Variants in SMC6 observed in about 807,000 individuals in gnomAD.
SMC6 encodes the protein structural maintenance of chromosomes 6, also known as structural maintenance of chromosomes protein 6.
SMC6 carries 79 observed loss-of-function variants against 142.2 expected under a neutral mutation model. The observed-to-expected ratio is 0.56, with a 90% confidence interval of 0.46 to 0.67. SMC6 has a LOEUF of 0.67. Among genes scored for constraint, SMC6 ranks in the 30% least tolerant of loss-of-function variants. SMC6 has a pLI of 0.00. For missense variants in SMC6, 1,072 were observed against 1,284.0 expected (o/e 0.83, Z 2.52); for synonymous variants, 411 against 412.4 (o/e 1.00, Z 0.04).
rs189547880 is a variant in SMC6 at position 17,681,328 on chromosome 2, T to G, written c.2804+2310A>C. On this transcript the variant is annotated intron_variant, in intron 24 of 27. Transcript: ENST00000448223. ...TCATATCAACAATAAGGCTGTTTAA[T>G]TTTCTTATCATTAGTGTATTCACTG... The G allele has an allele frequency of 7.9e-5, 12 of 152,362 alleles. No individual in the cohort carries two copies. In the East Asian group the frequency reaches 1.9e-3, roughly 24 times the overall value. The allele number at this position is 152,362 out of a possible 1,614,324, so 9.4% of individuals were successfully genotyped here.
At chr2:17,695,331 T>C in intron 22 of SMC6, 34 bp from the exon 23 acceptor site, 2 of 1,582,170 alleles carry the variant, frequency 1.3e-6, no homozygotes, top group Non-Finnish European at 1.7e-6. Context: ...TTTAAAACTC[T>C]TCTTTGATAT....
intron 23 of SMC6, among the ~76,000 whole-genome samples, chr2:17,688,448 C>A (rs1667558216): frequency 6.6e-6 from 1 of 151,934 alleles, no homozygotes; most frequent in Non-Finnish European, 1.5e-5. Flanking sequence ...GCCTGTAATC[C>A]CAGCACTTTG....
In SMC6 at chr2:17,721,269, AAAG is replaced by A; in HGVS notation, c.727-11_727-9del. On this transcript the variant is annotated splice_polypyrimidine_tract_variant and intron_variant, in intron 9 of 27. Transcript: ENST00000448223. Reference sequence around the variant, plus strand: ...CTTTAGTTCAGTAAGCCGCTTAAAAAAAGAAAACAGAACGGACGTATTTTTTAT... The same window carrying A: ...CTTTAGTTCAGTAAGCCGCTTAAAAAAAAACAGAACGGACGTATTTTTTAT... 1 of 1,565,334 alleles carries A rather than the reference AAAG, an allele frequency of 6.4e-7. No homozygotes were observed. Among genetic ancestry groups the A allele is most frequent in the Non-Finnish European group, 8.6e-7 (1 of 1,164,760 alleles).
intron 4 of SMC6, among the ~76,000 whole-genome samples, chr2:17,740,317 GGACTGCAGAGCTACACAT>G (rs1670378077): frequency 6.6e-6 from 1 of 151,876 alleles, no homozygotes; most frequent in South Asian, 2.1e-4. Context: ...ACAACAAAAG[GGACTGCAGAGCTACACAT>G]AACCTAGCTT....
chr2:17,731,626 G>A, intron 6 of SMC6, 115 bp downstream of exon 6: 9 of 947,504 alleles, frequency 9.5e-6, no homozygotes, highest in Non-Finnish European at 9.6e-6. Flanking sequence ...ATATATATAT[G>A]CACACAACCA....
chr2:17,699,747 G>A (rs1249383169), intron 21 of SMC6, among the ~76,000 whole-genome samples: 1 of 152,104 alleles, frequency 6.6e-6, no homozygotes, highest in Non-Finnish European at 1.5e-5. Flanking sequence ...AAAAGTATGT[G>A]CTAAAAATAA....
At chr2:17,676,937 C>T (rs1667017108) in intron 25 of SMC6, among the ~76,000 whole-genome samples, 1 of 152,112 alleles carries the variant, frequency 6.6e-6, no homozygotes, top group African/African-American at 2.4e-5. Context: ...GTTCTAGTAG[C>T]TCTTTTTGTA....
Position 17,715,015 on chromosome 2 carries a change from A to C in SMC6, c.1576T>G (p.Cys526Gly). 6.2e-7 allele frequency: 1 copy of C among 1,614,022 alleles called. No homozygotes were observed. The highest frequency in any genetic ancestry group is 8.5e-7 in the Non-Finnish European group (1 of 1,179,930). Residue 526 changes from cysteine (C) to glycine (G), a missense_variant, in exon 16 of 28, where the codon TGC becomes GGC. Physicochemically the swap from Cys to Gly is radical, Grantham distance 159. Transcript: ENST00000448223. ...TAGGCCTGCAGAAGCCCTTTTAAGC[A>C]AGATTCAATAGCCAAAGCAAGTTCT... ...DPELALAIES[C>G]LKGLLQAYCC... is the part of the protein sequence containing the mutation.
At chr2:17,699,541 C>G (rs1282830985) in intron 21 of SMC6, among the ~76,000 whole-genome samples, 2 of 151,996 alleles carry the variant, frequency 1.3e-5, no homozygotes, top group Non-Finnish European at 2.9e-5. Context: ...TTCAGTCATG[C>G]CCTCTTTTCC....
chr2:17,747,922 A>G (rs773839856), intron 2 of SMC6, among the ~76,000 whole-genome samples: 30 of 152,238 alleles, frequency 2.0e-4, no homozygotes, highest in Non-Finnish European at 4.0e-4. Context: ...TAAGTGAATG[A>G]GAGTGAAAAG....
chr2:17,706,277 T>C (rs1475927460), intron 18 of SMC6, among the ~76,000 whole-genome samples: 1 of 152,174 alleles, frequency 6.6e-6, no homozygotes, highest in Non-Finnish European at 1.5e-5. Flanking sequence ...TGCTTCCACA[T>C]TATGTATACT....
rs1232215191 is a variant in SMC6, at chr2:17,708,641, T to C, written c.1843A>G (p.Lys615Glu). The C allele has an allele frequency of 7.5e-6, 11 of 1,470,918 alleles. No individual in the cohort carries two copies. The Admixed American group carries it at 2.5e-4, about 33-fold the overall frequency. The allele number at this position is 1,470,918 out of a possible 1,614,324, so 91.1% of individuals were successfully genotyped here. A position where few individuals can be genotyped will look rare whatever the true frequency, so the allele number is the denominator to read the frequency against. Residue 615 changes from lysine (K) to glutamate (E), a missense_variant and splice_region_variant, in exon 17 of 28, where the codon AAA becomes GAA. Physicochemically the swap from Lys to Glu is moderately conservative, Grantham distance 56. Transcript: ENST00000448223. ...CAGCAAAGATCTGGAGGTCTTACTT[T>C]GATTAGTAGCACTGTCTCTATGCCT... ...MRGIETVLLI[K>E]NNSVARAVMQ...
intron 2 of SMC6, among the ~76,000 whole-genome samples, chr2:17,751,511 C>T (rs1671037567): frequency 6.6e-6 from 1 of 150,760 alleles, no homozygotes; most frequent in African/African-American, 2.4e-5. Context: ...AAAGAAAACA[C>T]TGAGTTTCAA....
intron 15 of SMC6, among the ~76,000 whole-genome samples, chr2:17,715,648 A>G (rs1669047990): frequency 6.6e-6 from 1 of 152,198 alleles, no homozygotes; most frequent in South Asian, 2.1e-4. Flanking sequence ...TGTATATGTA[A>G]GAGTGAAGTA....
At chr2:17,745,776 T>C (rs1419201649) in intron 3 of SMC6, 51 bp downstream of exon 3, 2 of 1,535,408 alleles carry the variant, frequency 1.3e-6, no homozygotes, top group South Asian at 1.3e-5. Flanking sequence ...ATATGATGAA[T>C]GTTACAAGAA....
rs1245933903 is a variant in SMC6, at chr2:17,703,668, C to T, written c.2007-376G>A. On this transcript the variant is annotated intron_variant, in intron 18 of 27. Coordinates refer to ENST00000448223, the MANE Select transcript of SMC6 (RefSeq NM_001142286.2). ...ATGTGAAGACAATAAGGATAAAGAC[C>T]TTAATGATGATCTACTTTTATTTAA... Among the ~76,000 whole-genome samples, 3 of 151,954 alleles carry T rather than the reference C, an allele frequency of 2.0e-5. No homozygotes were observed. The South Asian group carries it at 6.2e-4, about 32-fold the overall frequency.
intron 25 of SMC6, among the ~76,000 whole-genome samples, chr2:17,672,070 A>T (rs1017490727): frequency 2.6e-5 from 4 of 152,154 alleles, no homozygotes; most frequent in African/African-American, 9.7e-5. Context: ...TTTTACACCT[A>T]TCATAAGTCT....
At chr2:17,722,205 A>G (rs555016980) in intron 9 of SMC6, among the ~76,000 whole-genome samples, 1 of 152,068 alleles carries the variant, frequency 6.6e-6, no homozygotes, top group Non-Finnish European at 1.5e-5. Context: ...AGCTTAGACA[A>G]TTAGAAGCCA....
chr2:17,694,000 C>CAAAAA (rs751816590), intron 23 of SMC6, among the ~76,000 whole-genome samples: 14 of 34,456 alleles, frequency 4.1e-4, no homozygotes, highest in East Asian at 2.3e-3. Context: ...AACTCCATCT[C>CAAAAA]AAAAAAAAAA....
Sources: allele counts gnomAD v4.1 joint callset (sites outside exome capture counted in the v4.1 genomes callset), GRCh38; gene constraint gnomAD v4.1.1; transcripts MANE v1.5; gene names NCBI Gene and HGNC (gene_info 2026-07-23, HGNC 2026-07-21).